BAZ2B: variants seen among roughly 807,000 people sequenced by gnomAD.
The protein encoded by BAZ2B is bromodomain adjacent to zinc finger domain protein 2B.
Under a neutral mutation model 246.0 loss-of-function variants are expected in BAZ2B, and 91 were observed. That is an observed-to-expected ratio of 0.37 (90% CI 0.31 to 0.44). BAZ2B has a LOEUF of 0.44. Ranked by LOEUF, BAZ2B falls within the 20% of genes least tolerant of loss-of-function variation. The pLI is 1.00. For missense variants in BAZ2B, 2,332 were observed against 2,533.7 expected (o/e 0.92, Z 1.71); for synonymous variants, 855 against 860.0 (o/e 0.99, Z 0.10).
intron 1 of BAZ2B, among the ~76,000 whole-genome samples, chr2:159,589,444 CT>C (rs927238841): frequency 4.0e-5 from 6 of 151,888 alleles, no homozygotes; most frequent in African/African-American, 1.5e-4. Flanking sequence ...AAAGCTGATG[CT>C]TTTGCTGCTA....
chr2:159,482,137 A>AC (rs1024682492), intron 2 of BAZ2B, among the ~76,000 whole-genome samples: 2 of 150,864 alleles, frequency 1.3e-5, no homozygotes, highest in African/African-American at 4.9e-5. Flanking sequence ...AAAACAAACA[A>AC]AAAAAAAACC....
At position 159,430,865 on chromosome 2, in the gene BAZ2B, GA is replaced by G; in HGVS notation, c.2191del (p.Ser731LeufsTer9). On this transcript the variant is annotated frameshift_variant, in exon 10 of 37. Coordinates refer to ENST00000392783, the MANE Select transcript of BAZ2B (RefSeq NM_013450.4). LOFTEE classifies it high-confidence loss of function. ...SSSTLTSSPH[S>X]GTSKRRRVTD... is the part of the protein sequence containing the mutation. Reference sequence around the variant, plus strand: ...TAATAAAAATAAAGTGTAGGTACCAGAGTGTGGGCTTGAAGTAAGTGTGGAA... The same window carrying G: ...TAATAAAAATAAAGTGTAGGTACCAGGTGTGGGCTTGAAGTAAGTGTGGAA... 6.2e-7 allele frequency: 1 copy of G among 1,612,928 alleles called. No homozygotes were observed. The highest frequency in any genetic ancestry group is 1.3e-5 in the African/African-American group (1 of 74,984).
At chr2:159,409,712 T>G (rs1485773575) in intron 14 of BAZ2B, among the ~76,000 whole-genome samples, 2 of 152,190 alleles carry the variant, frequency 1.3e-5, no homozygotes, top group African/African-American at 4.8e-5. Context: ...AACTGTTTCA[T>G]TTTTACTTTC....
the BAZ2B span, among the ~76,000 whole-genome samples, chr2:159,626,926 C>T: frequency 3.9e-3 from 600 of 152,050 alleles, 2 homozygotes; most frequent in Non-Finnish European, 6.5e-3. Flanking sequence ...ACCTGCCAGA[C>T]TAATAAAGAA....
the BAZ2B span, chr2:159,694,057 T>C: frequency 1.3e-5 from 2 of 152,122 alleles, no homozygotes; most frequent in East Asian, 1.9e-4. Context: ...TAGAATGTGA[T>C]TGAATTTGGA....
chr2:159,501,193 ATATATATATTTT>A lies in BAZ2B; in HGVS notation c.-2-22484_-2-22473del, dbSNP rs1239118425. Among the ~76,000 whole-genome samples the A allele has an allele frequency of 2.9e-4, 29 of 99,172 alleles. 1 individual carries two copies. The highest frequency in any genetic ancestry group is 1.1e-3 in the African/African-American group (28 of 24,994). 65.1% of individuals were successfully genotyped at this position (99,172 alleles called of 152,430 possible). On this transcript the variant is annotated intron_variant, in intron 2 of 36. Transcript: ENST00000392783. ...TATATATTATATATATTTATATATAATATATATATTTTTATATATATTATATATATATTTATA... is the reference window on the plus strand; with the variant it reads ...TATATATTATATATATTTATATATAATATATATATTATATATATATTTATA...
the BAZ2B span, among the ~76,000 whole-genome samples, chr2:159,662,371 G>A: frequency 6.6e-6 from 1 of 152,106 alleles, no homozygotes; most frequent in Non-Finnish European, 1.5e-5. Context: ...GAATTGTTTG[G>A]TTATATGGTA....
At chr2:159,495,501 AAAAAAAAAAAAAAAAT>A (rs2081012005) in intron 2 of BAZ2B, among the ~76,000 whole-genome samples, 2 of 149,420 alleles carry the variant, frequency 1.3e-5, no homozygotes, top group African/African-American at 4.9e-5. Flanking sequence ...AAAAAAAAAA[AAAAAAAAAAAAAAAAT>A]TTAATATGAA....
At chr2:159,694,190 A>C in the BAZ2B span, 1 of 152,184 alleles carries the variant, frequency 6.6e-6, no homozygotes, top group Non-Finnish European at 1.5e-5. Flanking sequence ...AGGGGTGACC[A>C]TGTGAGGCCA....
intron 1 of BAZ2B, among the ~76,000 whole-genome samples, chr2:159,607,673 T>C (rs753788161): frequency 1.3e-5 from 2 of 152,204 alleles, no homozygotes; most frequent in African/African-American, 2.4e-5. Flanking sequence ...GGCTCTAATA[T>C]AGAGCTCTAG....
the BAZ2B span, among the ~76,000 whole-genome samples, chr2:159,695,893 TAC>T: frequency 6.6e-6 from 1 of 152,228 alleles, no homozygotes; most frequent in Non-Finnish European, 1.5e-5. Context: ...TAGCTAGGAA[TAC>T]AGACACGCAT....
intron 2 of BAZ2B, among the ~76,000 whole-genome samples, chr2:159,540,595 A>T (rs1217660254): frequency 6.6e-6 from 1 of 152,230 alleles, no homozygotes; most frequent in African/African-American, 2.4e-5. Flanking sequence ...TCTTGAACAC[A>T]AGTTAGTTTT....
Position 159,349,066 on chromosome 2 carries a change from G to C in BAZ2B, c.5078C>G (p.Pro1693Arg). ...PQNEKATSAQ[P>R]AAVEVAKPVD... Reference sequence around the variant, plus strand: ...TGGTTTTGCTACTTCAACAGCTGCAGGTTGAGCTGAAGTGGCCTTTTCATT... The same window carrying C: ...TGGTTTTGCTACTTCAACAGCTGCACGTTGAGCTGAAGTGGCCTTTTCATT... The change falls in exon 29 of 37, where the codon CCT (proline) becomes CGT (arginine). Residue 1693 changes from proline to arginine, a missense_variant. By Grantham distance (103) the Pro-to-Arg change is moderately radical. Around this residue, in one of 9 missense-constraint regions of BAZ2B, gnomAD observed 676 missense variants for 668.6 expected, o/e 1.01. Transcript: ENST00000392783. 1 of 1,614,120 alleles carries C rather than the reference G, an allele frequency of 6.2e-7. No homozygotes were observed. The highest frequency in any genetic ancestry group is 8.5e-7 in the Non-Finnish European group (1 of 1,179,992).
the BAZ2B span, chr2:159,710,952 G>C: frequency 5.3e-5 from 8 of 152,234 alleles, no homozygotes; most frequent in Admixed American, 4.6e-4. Flanking sequence ...GACATGGAAT[G>C]TAATAGCTAA....
At chr2:159,501,611 T>C (rs1053648591) in intron 2 of BAZ2B, among the ~76,000 whole-genome samples, 7 of 152,160 alleles carry the variant, frequency 4.6e-5, no homozygotes, top group Non-Finnish European at 1.0e-4. Context: ...TTTATAAACA[T>C]AGTTTTCTGA....
chr2:159,509,059 T>C (rs186695505), intron 2 of BAZ2B, among the ~76,000 whole-genome samples: 72 of 152,318 alleles, frequency 4.7e-4, no homozygotes, highest in African/African-American at 1.6e-3. Context: ...CTAATCCATA[T>C]TGAATTCCAG....
At chr2:159,476,921 T>A (rs2078641792) in intron 3 of BAZ2B, among the ~76,000 whole-genome samples, 1 of 152,218 alleles carries the variant, frequency 6.6e-6, no homozygotes, top group Admixed American at 6.5e-5. Context: ...AGTCCAGCCA[T>A]CATTTTGCGT....
chr2:159,359,994 A>G (rs1477032116), intron 27 of BAZ2B, among the ~76,000 whole-genome samples: 1 of 152,236 alleles, frequency 6.6e-6, no homozygotes, highest in African/African-American at 2.4e-5. Flanking sequence ...CCCACGGCCA[A>G]TATCATACAG....
chr2:159,360,541 A>G (rs560167723), intron 27 of BAZ2B, among the ~76,000 whole-genome samples: 3 of 150,584 alleles, frequency 2.0e-5, no homozygotes, highest in African/African-American at 7.3e-5. Context: ...AGTAATTTAT[A>G]GATTCAATGC....
Sources: gnomAD v4.1 joint callset for allele counts (sites outside exome capture counted in the v4.1 genomes callset) on GRCh38, gnomAD v4.1.1 for gene constraint, gnomAD v4.1.1 regional missense constraint, MANE v1.5 for transcripts, NCBI Gene and HGNC (gene_info 2026-07-23, HGNC 2026-07-21) for gene names.